The following FAM200B variants were observed in gnomAD, a reference collection of about 807,000 sequenced individuals.
FAM200B encodes the protein protein FAM200B.
In FAM200B, 32 loss-of-function variants were observed where a neutral mutation model predicts 33.1. The observed-to-expected ratio is 0.97, with a 90% CI of 0.73 to 1.30. FAM200B has a LOEUF of 1.30. Ranked by LOEUF, FAM200B falls within the 50% of genes most tolerant of loss-of-function variation. The pLI, the probability that FAM200B is intolerant of heterozygous loss-of-function variation, is 0.00. For synonymous variants in FAM200B, 240 were observed against 264.8 expected (o/e 0.91, Z 0.91); for missense variants, 741 against 754.0 (o/e 0.98, Z 0.20).
chr4:15,654,392 A>G, the FAM200B span, among the ~76,000 whole-genome samples: 1 of 152,208 alleles, frequency 6.6e-6, no homozygotes, highest in Admixed American at 6.5e-5. Flanking sequence ...CCATCTCCAC[A>G]AAAGTGCCTC....
At chr4:15,669,128 C>T in the FAM200B span, among the ~76,000 whole-genome samples, 1 of 152,272 alleles carries the variant, frequency 6.6e-6, no homozygotes, top group South Asian at 2.1e-4. Context: ...TACTTGACAA[C>T]AGGGATACAT....
chr4:15,647,214 C>T, the FAM200B span, among the ~76,000 whole-genome samples: 5 of 87,568 alleles, frequency 5.7e-5, no homozygotes, highest in South Asian at 9.0e-4. Context: ...CAAAGCAAGA[C>T]TCCATCTCAA....
At chr4:15,643,860 T>A in the FAM200B span, among the ~76,000 whole-genome samples, 4 of 152,244 alleles carry the variant, frequency 2.6e-5, no homozygotes, top group Non-Finnish European at 5.9e-5. Context: ...ATTTTATAAT[T>A]AAAACTTCGA....
At chr4:15,672,675 G>T in the FAM200B span, among the ~76,000 whole-genome samples, 1 of 152,146 alleles carries the variant, frequency 6.6e-6, no homozygotes, top group African/African-American at 2.4e-5. Context: ...GAAAGTGAAG[G>T]CCTAGGACAT....
chr4:15,655,072 T>C, the FAM200B span: 1 of 603,870 alleles, frequency 1.7e-6, no homozygotes, highest in Non-Finnish European at 2.3e-6. Context: ...CGCTGACAGC[T>C]GCGCAGGCGG....
the FAM200B span, among the ~76,000 whole-genome samples, chr4:15,664,435 C>CT: frequency 6.6e-6 from 1 of 151,670 alleles, no homozygotes; most frequent in South Asian, 2.1e-4. Context: ...CCCAGGCACT[C>CT]TTATGTGTCA....
At chr4:15,637,058 G>A in the FAM200B span, among the ~76,000 whole-genome samples, 2 of 152,176 alleles carry the variant, frequency 1.3e-5, no homozygotes, top group Non-Finnish European at 2.9e-5. Flanking sequence ...CAGATTATGA[G>A]ATCTCCAAGG....
upstream of FAM200B, among the ~76,000 whole-genome samples, chr4:15,679,313 A>G (rs528041696): frequency 6.6e-6 from 1 of 152,208 alleles, no homozygotes; most frequent in Admixed American, 6.5e-5. Flanking sequence ...CGGCCTCTCA[A>G]AGTGCTGGGA....
chr4:15,638,553 G>A, the FAM200B span: 1 of 1,599,984 alleles, frequency 6.3e-7, no homozygotes, highest in Non-Finnish European at 8.5e-7. Flanking sequence ...AACTTCTGTC[G>A]CTCTTCAGCA....
At chr4:15,668,488 T>C in the FAM200B span, among the ~76,000 whole-genome samples, 12 of 151,192 alleles carry the variant, frequency 7.9e-5, no homozygotes, top group East Asian at 2.3e-3. Context: ...GTTTTTGTAT[T>C]GTTCTTTGTA....
chr4:15,641,858 C>T, the FAM200B span, among the ~76,000 whole-genome samples: 3 of 151,994 alleles, frequency 2.0e-5, no homozygotes, highest in African/African-American at 4.8e-5. Context: ...GAAACCCTGT[C>T]TCTACTAAAA....
At chr4:15,660,199 T>C in the FAM200B span, among the ~76,000 whole-genome samples, 2 of 152,090 alleles carry the variant, frequency 1.3e-5, no homozygotes, top group Non-Finnish European at 2.9e-5. Context: ...CTTTCTCAGC[T>C]GCAGAATAGC....
At chr4:15,672,822 ACT>A in the FAM200B span, among the ~76,000 whole-genome samples, 11 of 152,162 alleles carry the variant, frequency 7.2e-5, no homozygotes, top group Non-Finnish European at 2.9e-5. Context: ...TAACTTTTTG[ACT>A]CTCTTGTAAT....
chr4:15,640,649 T>G, the FAM200B span: 4 of 434,172 alleles, frequency 9.2e-6, no homozygotes, highest in Non-Finnish European at 1.6e-5. Context: ...TTGGGTTTTC[T>G]TTTTTCCCAA....
chr4:15,655,357 C>A, the FAM200B span: 4 of 1,193,584 alleles, frequency 3.4e-6, no homozygotes, highest in Non-Finnish European at 4.3e-6. Flanking sequence ...CGCCGCGGGG[C>A]AGAGGCGGCG....
In FAM200B at chr4:15,688,362, G is replaced by A; in HGVS notation, c.1385G>A (p.Gly462Glu). 1 of 1,549,928 alleles carries A rather than the reference G, an allele frequency of 6.5e-7. No individual in the cohort carries two copies. The highest frequency in any genetic ancestry group is 1.2e-5 in the South Asian group (1 of 84,022). The part of the protein sequence containing the change: ...DVFQHVERIQ[G>E]FRKTLLLWQV... ...TTCCAACATGTTGAACGTATCCAGG[G>A]ATTTCGAAAGACATTATTGTTATGG... Residue 462 changes from glycine (G) to glutamate (E), a missense_variant, in exon 2 of 2, where the codon GGA becomes GAA. Physicochemically the swap from Gly to Glu is moderately conservative, Grantham distance 98. Coordinates refer to ENST00000422728, the MANE Select transcript of FAM200B (RefSeq NM_001145191.2).
rs1043985640 is a variant in FAM200B at position 15,686,451 on chromosome 4, G to T, written c.-527G>T. On this transcript the variant is annotated 5_prime_UTR_variant, in exon 2 of 2. Coordinates refer to ENST00000422728, the MANE Select transcript of FAM200B (RefSeq NM_001145191.2). ...AGCCAGTCTCTTTCATCATCAAGCA[G>T]ACATACTCAAGGTACCAACACAGCA... is the stretch of plus-strand genomic sequence containing the variant. The T allele has an allele frequency of 6.6e-6, 1 of 152,066 alleles. No homozygotes were observed. Among genetic ancestry groups the T allele is most frequent in the African/African-American group, 2.4e-5 (1 of 41,372 alleles). The allele number at this position is 152,066 out of a possible 1,614,324, so 9.4% of individuals were successfully genotyped here.
the FAM200B span, among the ~76,000 whole-genome samples, chr4:15,658,795 G>T: frequency 6.6e-6 from 1 of 152,136 alleles, no homozygotes; most frequent in African/African-American, 2.4e-5. Flanking sequence ...CTACTTTCTC[G>T]ATAGCCACAG....
intron 1 of FAM200B, among the ~76,000 whole-genome samples, chr4:15,682,643 G>T (rs976859112): frequency 2.6e-5 from 4 of 152,214 alleles, no homozygotes; most frequent in African/African-American, 9.7e-5. Flanking sequence ...CAGATATTCT[G>T]TTATTTTAAT....
Sources: allele counts gnomAD v4.1 joint callset (sites outside exome capture counted in the v4.1 genomes callset), GRCh38; gene constraint gnomAD v4.1.1; transcripts MANE v1.5; gene names NCBI Gene and HGNC (gene_info 2026-07-23, HGNC 2026-07-21).